Variants in ADAM12 observed in about 807,000 individuals in gnomAD.
The protein encoded by ADAM12 is ADAM metallopeptidase domain 12.
Under a neutral mutation model 106.4 loss-of-function variants are expected in ADAM12, and 70 were observed. That is an observed-to-expected ratio of 0.66 (90% confidence interval 0.54 to 0.80). ADAM12 has a LOEUF of 0.80. Among genes scored for constraint, ADAM12 ranks in the 30% least tolerant of loss-of-function variants. The pLI is 0.00. For synonymous variants in ADAM12, 420 were observed against 433.5 expected (o/e 0.97, Z 0.39); for missense variants, 1,010 against 1,171.9 (o/e 0.86, Z 2.02).
At chr10:126,129,557 T>C (rs1027972267) in intron 5 of ADAM12, among the ~76,000 whole-genome samples, 3 of 152,190 alleles carry the variant, frequency 2.0e-5, no homozygotes, top group Admixed American at 6.5e-5. Flanking sequence ...CCAGGCTCCC[T>C]GGCTGGCAGG....
At chr10:126,087,209 G>A (rs1298770223) in intron 11 of ADAM12, among the ~76,000 whole-genome samples, 1 of 152,010 alleles carries the variant, frequency 6.6e-6, no homozygotes, top group Admixed American at 6.5e-5. Flanking sequence ...ATTCTAACTT[G>A]GGCAGCAGCT....
intron 3 of ADAM12, among the ~76,000 whole-genome samples, chr10:126,214,136 C>A (rs1957946127): frequency 6.6e-6 from 1 of 152,214 alleles, no homozygotes; most frequent in Admixed American, 6.5e-5. Flanking sequence ...GAACATGTGG[C>A]ATTCTGTGTG....
chr10:126,206,283 A>G (rs957266899), intron 3 of ADAM12, among the ~76,000 whole-genome samples: 6 of 152,232 alleles, frequency 3.9e-5, no homozygotes, highest in Non-Finnish European at 8.8e-5. Context: ...CTTGCCCTAC[A>G]CACCAGAAAT....
intron 3 of ADAM12, among the ~76,000 whole-genome samples, chr10:126,202,019 G>C (rs965570083): frequency 6.6e-6 from 1 of 152,172 alleles, no homozygotes; most frequent in African/African-American, 2.4e-5. Flanking sequence ...AAAGGCTCTG[G>C]GGCTGCAACG....
intron 3 of ADAM12, among the ~76,000 whole-genome samples, chr10:126,258,331 G>T (rs1221851385): frequency 6.6e-6 from 1 of 152,012 alleles, no homozygotes; most frequent in Non-Finnish European, 1.5e-5. Context: ...CTGGATTCAG[G>T]ATTTTTCCCT....
intron 1 of ADAM12, among the ~76,000 whole-genome samples, chr10:126,342,452 G>C (rs1854963976): frequency 6.6e-6 from 1 of 152,170 alleles, no homozygotes. Context: ...TAGGCATATA[G>C]ATTGACCCAG....
chr10:126,216,207 T>A (rs999278632), intron 3 of ADAM12, among the ~76,000 whole-genome samples: 1 of 152,162 alleles, frequency 6.6e-6, no homozygotes, highest in Non-Finnish European at 1.5e-5. Flanking sequence ...CTGCTAAGGG[T>A]CCCAATCCTC....
chr10:126,108,290 C>T (rs553354014), intron 8 of ADAM12, among the ~76,000 whole-genome samples: 82 of 152,310 alleles, frequency 5.4e-4, no homozygotes, highest in Non-Finnish European at 9.9e-4. Context: ...CAGGTGAACT[C>T]TGTAGGGGTT....
At chr10:126,374,759 A>G (rs1039742529) in intron 1 of ADAM12, among the ~76,000 whole-genome samples, 19 of 152,238 alleles carry the variant, frequency 1.2e-4, no homozygotes, top group African/African-American at 4.6e-4. Flanking sequence ...AAAGGAAGTG[A>G]TGAAGCAAAA....
intron 1 of ADAM12, among the ~76,000 whole-genome samples, chr10:126,366,071 G>A (rs1372642460): frequency 1.3e-5 from 2 of 151,968 alleles, no homozygotes; most frequent in Non-Finnish European, 2.9e-5. Context: ...TACAGTCCAA[G>A]TACAAGAATA....
In ADAM12 at chr10:126,188,937, C is replaced by A. The variant is rs189905851; in HGVS notation, c.261-33632G>T. 1.6e-3 allele frequency among the ~76,000 whole-genome samples: 248 copies of A among 152,226 alleles called. 1 individual carries two copies. Among genetic ancestry groups the A allele is most frequent in the African/African-American group, 5.7e-3 (238 of 41,532 alleles). On this transcript the variant is annotated intron_variant, in intron 3 of 22. Coordinates refer to ENST00000448723, the MANE Select transcript of ADAM12 (RefSeq NM_001288973.2). The stretch of plus-strand genomic sequence containing the variant: ...CATCCATGCATCATCTATTTATTAT[C>A]CACCCATCCATTCATCATCCATCTA...
intron 3 of ADAM12, among the ~76,000 whole-genome samples, chr10:126,225,759 T>C (rs938254947): frequency 4.6e-5 from 7 of 152,148 alleles, no homozygotes; most frequent in Admixed American, 3.3e-4. Flanking sequence ...GTCTGAACCA[T>C]AGCTCACAGA....
intron 21 of ADAM12, among the ~76,000 whole-genome samples, chr10:126,025,837 C>T (rs1037765269): frequency 6.6e-6 from 1 of 152,128 alleles, no homozygotes; most frequent in African/African-American, 2.4e-5. Flanking sequence ...AGAAGATCAA[C>T]CCCAAGACAC....
intron 3 of ADAM12, among the ~76,000 whole-genome samples, chr10:126,168,262 G>A (rs1957059353): frequency 6.6e-6 from 1 of 152,178 alleles, no homozygotes; most frequent in Non-Finnish European, 1.5e-5. Flanking sequence ...ATAAAATGTG[G>A]ACAAGAAGAC....
intron 3 of ADAM12, among the ~76,000 whole-genome samples, chr10:126,164,765 C>A (rs751666739): frequency 6.6e-6 from 1 of 152,174 alleles, no homozygotes; most frequent in Non-Finnish European, 1.5e-5. Flanking sequence ...TCAGCAGAAA[C>A]TCTAGACTAG....
intron 3 of ADAM12, among the ~76,000 whole-genome samples, chr10:126,263,940 C>A (rs879652517): frequency 1.3e-5 from 2 of 152,112 alleles, no homozygotes; most frequent in African/African-American, 4.8e-5. Context: ...ATAATCATTA[C>A]CCTATTTGGT....
At position 126,106,735 on chromosome 10, in the gene ADAM12, C is replaced by T. The variant is rs80326019; in HGVS notation, c.741+1858G>A. ...TCTTGACCTCGTGATCCGCCCGCCT[C>T]GGCCTCCCAAAGTGCTGGGATTACA... On this transcript the variant is annotated intron_variant, in intron 8 of 22. Transcript: ENST00000448723. Among the ~76,000 whole-genome samples the T allele has an allele frequency of 2.0e-5, 3 of 152,152 alleles. No homozygotes were observed. In the East Asian group the frequency reaches 5.8e-4, roughly 29 times the overall value.
intron 11 of ADAM12, among the ~76,000 whole-genome samples, chr10:126,082,383 T>TA (rs926614778): frequency 1.2e-4 from 18 of 148,548 alleles, no homozygotes; most frequent in African/African-American, 4.3e-4. Flanking sequence ...TTTTTTTTTT[T>TA]TTTTATGTGG....
rs562447080 is a variant in ADAM12 at position 126,364,610 on chromosome 10, G to T, written c.88+23448C>A. On this transcript the variant is annotated intron_variant, in intron 1 of 22. Transcript: ENST00000448723. The stretch of plus-strand genomic sequence containing the variant: ...ACCTAAAAAGTGCTTTGTAATAAAT[G>T]AATGGTATGCTGTTCATTCCAAATT... 1.1e-4 allele frequency among the ~76,000 whole-genome samples: 17 copies of T among 152,264 alleles called. No homozygotes were observed. In the South Asian group the frequency reaches 3.3e-3, roughly 30 times the overall value.
Sources: allele counts gnomAD v4.1 joint callset (sites outside exome capture counted in the v4.1 genomes callset), GRCh38; gene constraint gnomAD v4.1.1; transcripts MANE v1.5; gene names NCBI Gene and HGNC (gene_info 2026-07-23, HGNC 2026-07-21).